DPY19L3: variants seen among roughly 807,000 people sequenced by gnomAD.
DPY19L3 encodes dpy-19 like C-mannosyltransferase 3.
In DPY19L3, 51 loss-of-function variants were observed where a neutral mutation model predicts 92.3. That is an observed-to-expected ratio of 0.55 (90% CI 0.44 to 0.70). DPY19L3 has a LOEUF of 0.70. DPY19L3 is among the 30% of genes least tolerant of loss of function. The pLI is 0.00. For synonymous variants in DPY19L3, 309 were observed against 315.2 expected (o/e 0.98, Z 0.21); for missense variants, 706 against 855.9 (o/e 0.82, Z 2.18).
chr19:32,407,176 A>G (rs978515410), intron 1 of DPY19L3, among the ~76,000 whole-genome samples: 3 of 151,998 alleles, frequency 2.0e-5, no homozygotes, highest in Admixed American at 6.6e-5. Context: ...AGAGGAGTGA[A>G]GCAAGATGTT....
chr19:32,462,566 A>G (rs1395598814), intron 12 of DPY19L3, among the ~76,000 whole-genome samples: 3 of 152,216 alleles, frequency 2.0e-5, no homozygotes, highest in Non-Finnish European at 4.4e-5. Context: ...CAAGTTTACA[A>G]GAAGCATGAA....
intron 3 of DPY19L3, among the ~76,000 whole-genome samples, chr19:32,422,315 C>G (rs1487914992): frequency 6.6e-6 from 1 of 152,094 alleles, no homozygotes; most frequent in Non-Finnish European, 1.5e-5. Flanking sequence ...AAGGTATGTG[C>G]CTTCTTCAAG....
At chr19:32,477,682 T>C (rs1445075652) in intron 17 of DPY19L3, 28 bp downstream of exon 17, 1 of 1,613,138 alleles carries the variant, frequency 6.2e-7, no homozygotes, top group Non-Finnish European at 8.5e-7. Context: ...CTCCCCTCGC[T>C]TCTTGTGGGC....
rs1970729888 is a variant in DPY19L3, at chr19:32,483,614, C to G, written c.*1374C>G. 6.6e-6 allele frequency: 1 copy of G among 152,336 alleles called. No individual in the cohort carries two copies. Among genetic ancestry groups the G allele is most frequent in the African/African-American group, 2.4e-5 (1 of 41,440 alleles). The allele number at this position is 152,336 out of a possible 1,614,324, so 9.4% of individuals were successfully genotyped here. ...TTTCAAATGATTTTATATTCAGTTG[C>G]TACTTATAAAGCAGCATTCAAAAAG... On this transcript the variant is annotated 3_prime_UTR_variant, in exon 19 of 19. Coordinates refer to ENST00000392250, the MANE Select transcript of DPY19L3 (RefSeq NM_001172774.2).
intron 15 of DPY19L3, among the ~76,000 whole-genome samples, chr19:32,466,123 G>A (rs950508663): frequency 1.3e-5 from 2 of 152,136 alleles, no homozygotes; most frequent in African/African-American, 4.8e-5. Flanking sequence ...GCTATCTATT[G>A]AAATTTTACT....
chr19:32,458,690 T>A (rs1969946171), intron 12 of DPY19L3, among the ~76,000 whole-genome samples, 181 bp downstream of exon 12: 1 of 152,142 alleles, frequency 6.6e-6, no homozygotes, highest in Non-Finnish European at 1.5e-5. Context: ...AGAGTAATGA[T>A]CAGATTGCAT....
rs1260653187 is a variant in DPY19L3, at chr19:32,460,829, A to G, written c.1322+2320A>G. 2.1e-5 allele frequency among the ~76,000 whole-genome samples: 3 copies of G among 145,918 alleles called. No homozygotes were observed. In the East Asian group the frequency reaches 6.3e-4, roughly 31 times the overall value. The stretch of plus-strand genomic sequence containing the variant: ...TATTTCTACCTTTTTAGTACTAGGA[A>G]GGATGATACTATGACTTGTTTTGTT... On this transcript the variant is annotated intron_variant, in intron 12 of 18. Coordinates refer to ENST00000392250, the MANE Select transcript of DPY19L3 (RefSeq NM_001172774.2).
intron 9 of DPY19L3, among the ~76,000 whole-genome samples, chr19:32,454,226 GTC>G (rs1969794594): frequency 6.6e-6 from 1 of 152,116 alleles, no homozygotes; most frequent in South Asian, 2.1e-4. Context: ...ACACCCATAA[GTC>G]TTTTATGTAA....
chr19:32,431,637 A>G (rs1364941478), intron 3 of DPY19L3, among the ~76,000 whole-genome samples: 1 of 152,210 alleles, frequency 6.6e-6, no homozygotes, highest in African/African-American at 2.4e-5. Flanking sequence ...ATTCAGGTGT[A>G]AAGATGAAAT....
At position 32,482,269 on chromosome 19, in the gene DPY19L3, G is replaced by T. The variant is rs559525075; in HGVS notation, c.*29G>T. On this transcript the variant is annotated 3_prime_UTR_variant, in exon 19 of 19. Transcript: ENST00000392250. The stretch of plus-strand genomic sequence containing the variant: ...AGATTTCTGCCCAGTGTCTATTTTT[G>T]ATACGGAGAAACTGCATCATGATGA... 7 of 1,597,538 alleles carry T rather than the reference G, an allele frequency of 4.4e-6. No individual in the cohort carries two copies. The African/African-American group carries it at 8.1e-5, about 19-fold the overall frequency.
At chr19:32,458,603 C>A in intron 12 of DPY19L3, 94 bp downstream of exon 12, 1 of 1,266,188 alleles carries the variant, frequency 7.9e-7, no homozygotes, top group South Asian at 1.4e-5. Context: ...ATATCAGACA[C>A]AAGTAATAGT....
At chr19:32,473,814 T>C (rs1970425701) in intron 16 of DPY19L3, among the ~76,000 whole-genome samples, 1 of 152,232 alleles carries the variant, frequency 6.6e-6, no homozygotes, top group African/African-American at 2.4e-5. Flanking sequence ...GGTTTTATTT[T>C]ATTTATTTTT....
At chr19:32,406,735 CT>C (rs1393073187) in intron 1 of DPY19L3, among the ~76,000 whole-genome samples, 1 of 152,160 alleles carries the variant, frequency 6.6e-6, no homozygotes, top group Non-Finnish European at 1.5e-5. Context: ...GATGGAGGAA[CT>C]TTTTTTCTTA....
intron 3 of DPY19L3, among the ~76,000 whole-genome samples, chr19:32,418,061 T>C (rs1476116182): frequency 6.6e-6 from 1 of 152,184 alleles, no homozygotes; most frequent in Non-Finnish European, 1.5e-5. Context: ...TGGGTGAGAT[T>C]GTTTCAGGAG....
Position 32,408,240 on chromosome 19 carries a change from G to GT in DPY19L3, c.-13dup. 6.3e-7 allele frequency: 1 copy of GT among 1,597,300 alleles called. No individual in the cohort carries two copies. The highest frequency in any genetic ancestry group is 8.6e-7 in the Non-Finnish European group (1 of 1,167,166). On this transcript the variant is annotated 5_prime_UTR_variant, in exon 2 of 19. The change abolishes the stop of an existing upstream ORF in the 5' untranslated region. Transcript: ENST00000392250. The stretch of plus-strand genomic sequence containing the variant: ...AGGAGTGATTTGGAGAACAATGCAT[G>GT]TAAGTCTGACATCATGATGTCCATC...
Position 32,480,575 on chromosome 19 carries a change from C to T in DPY19L3, c.1989+18C>T. 6.2e-7 allele frequency: 1 copy of T among 1,607,740 alleles called. No homozygotes were observed. The highest frequency in any genetic ancestry group is 2.2e-5 in the East Asian group (1 of 44,806). The stretch of plus-strand genomic sequence containing the variant: ...ACGGCCACGTGAGCATGCTGCCTCT[C>T]CCTGTGTGGGGGTCTCCTGGAGGGG... On this transcript the variant is annotated intron_variant, in intron 18 of 18. Coordinates refer to ENST00000392250, the MANE Select transcript of DPY19L3 (RefSeq NM_001172774.2).
In DPY19L3 at chr19:32,483,710, CAGT is replaced by C. The variant is rs1261784954; in HGVS notation, c.*1473_*1475del. 6.6e-5 allele frequency: 10 copies of C among 152,248 alleles called. No homozygotes were observed. Among genetic ancestry groups the C allele is most frequent in the Admixed American group, 6.5e-4 (10 of 15,296 alleles). 9.4% of individuals were successfully genotyped at this position (152,248 alleles called of 1,614,324 possible). On this transcript the variant is annotated 3_prime_UTR_variant, in exon 19 of 19. Transcript: ENST00000392250. ...AAAACTTGTTTAAATAAAAAATTGA[CAGT>C]AGCTGGGTTATTAAATTATGCAACT...
chr19:32,458,187 GA>G lies in DPY19L3; in HGVS notation c.1163+17del, dbSNP rs1206559752. The G allele has an allele frequency of 6.2e-7, 1 of 1,609,748 alleles. No individual in the cohort carries two copies. Among genetic ancestry groups the G allele is most frequent in the South Asian group, 1.1e-5 (1 of 90,112 alleles). On this transcript the variant is annotated intron_variant, in intron 11 of 18. Coordinates refer to ENST00000392250, the MANE Select transcript of DPY19L3 (RefSeq NM_001172774.2). ...TGGAGCAACAAGGTATAACTGAATT[GA>G]AAGTCTATGTTTGCTATTTTCTATT...
intron 6 of DPY19L3, among the ~76,000 whole-genome samples, chr19:32,438,420 TACAG>T (rs1969215350): frequency 6.6e-6 from 1 of 152,170 alleles, no homozygotes; most frequent in South Asian, 2.1e-4. Flanking sequence ...ATACAGATAT[TACAG>T]ACATCTATAT....
Sources: gnomAD v4.1 joint callset for allele counts (sites outside exome capture counted in the v4.1 genomes callset) on GRCh38, gnomAD v4.1.1 for gene constraint, MANE v1.5 for transcripts, NCBI Gene and HGNC (gene_info 2026-07-23, HGNC 2026-07-21) for gene names.